QPRT: variants seen among roughly 807,000 people sequenced by gnomAD.
QPRT encodes the protein nicotinate-nucleotide pyrophosphorylase [carboxylating].
A neutral mutation model predicts 19.8 loss-of-function variants in QPRT; 17 were observed. That is an observed-to-expected ratio of 0.86 (90% CI 0.59 to 1.29). QPRT has a LOEUF of 1.29. Among genes scored for constraint, QPRT ranks in the 50% most tolerant of loss-of-function variants. The probability of loss-of-function intolerance (pLI) is 0.00; values close to 1 mark genes in which losing one functional copy is unlikely to be tolerated. For missense variants in QPRT, 336 were observed against 405.1 expected (o/e 0.83, Z 1.46); for synonymous variants, 178 against 191.0 (o/e 0.93, Z 0.56).
chr16:29,687,219 T>A (rs754422847), intron 1 of QPRT, among the ~76,000 whole-genome samples: 5 of 152,212 alleles, frequency 3.3e-5, no homozygotes, highest in African/African-American at 4.8e-5. Context: ...AGTCTACGGC[T>A]GTTTCCTCTC....
intron 1 of QPRT, among the ~76,000 whole-genome samples, chr16:29,681,490 A>ATTTTTTT (rs573949264): frequency 4.3e-5 from 3 of 69,746 alleles, no homozygotes; most frequent in African/African-American, 1.8e-4. Flanking sequence ...TCAGATCCAG[A>ATTTTTTT]TTCTTTTTTT....
chr16:29,680,872 C>G (rs918864709), intron 1 of QPRT, among the ~76,000 whole-genome samples: 1 of 152,178 alleles, frequency 6.6e-6, no homozygotes, highest in South Asian at 2.1e-4. Flanking sequence ...ACCCCAGTGG[C>G]GGAGGTTGCA....
At chr16:29,689,489 G>T (rs972607320) in intron 1 of QPRT, among the ~76,000 whole-genome samples, 10 of 152,056 alleles carry the variant, frequency 6.6e-5, no homozygotes, top group Non-Finnish European at 1.3e-4. Flanking sequence ...AGTCACCCAG[G>T]TATTAAGTTT....
chr16:29,687,336 T>C (rs1297300401), intron 1 of QPRT, among the ~76,000 whole-genome samples: 1 of 152,200 alleles, frequency 6.6e-6, no homozygotes, highest in African/African-American at 2.4e-5. Flanking sequence ...CGGCCAAATA[T>C]TGGCAATTTT....
At chr16:29,681,600 G>A (rs1025769483) in intron 1 of QPRT, among the ~76,000 whole-genome samples, 11 of 147,086 alleles carry the variant, frequency 7.5e-5, no homozygotes, top group Non-Finnish European at 1.2e-4. Context: ...GGGTTCAAGC[G>A]ATTCTCCTGC....
Position 29,694,774 on chromosome 16 carries a change from TCGCAGGCG to T in QPRT, c.125_132del (p.Ser42CysfsTer129). 1 of 1,613,618 alleles carries T rather than the reference TCGCAGGCG, an allele frequency of 6.2e-7. No homozygotes were observed. The highest frequency in any genetic ancestry group is 1.1e-5 in the South Asian group (1 of 90,974). Reference sequence around the variant, plus strand: ...AGCCTTGGTCAGCGGGGCAGGCCCCTCGCAGGCGGCGCTGTGGGCCAAATCCCCTGGGG... The same window carrying T: ...AGCCTTGGTCAGCGGGGCAGGCCCCTGCGCTGTGGGCCAAATCCCCTGGGG... On this transcript the variant is annotated frameshift_variant, in exon 2 of 4. Coordinates refer to ENST00000395384, the MANE Select transcript of QPRT (RefSeq NM_014298.6). LOFTEE classifies it high-confidence loss of function.
At chr16:29,681,214 G>T (rs1293523260) in intron 1 of QPRT, among the ~76,000 whole-genome samples, 4 of 152,078 alleles carry the variant, frequency 2.6e-5, no homozygotes. Flanking sequence ...GGAAACCCTG[G>T]CAAGTTTTGT....
chr16:29,694,343 TCTC>T (rs1967446506), intron 1 of QPRT, among the ~76,000 whole-genome samples: 1 of 150,486 alleles, frequency 6.6e-6, no homozygotes, highest in Non-Finnish European at 1.5e-5. Context: ...ATGGTCTCGA[TCTC>T]CTGACCTCGT....
intron 1 of QPRT, among the ~76,000 whole-genome samples, chr16:29,687,663 A>G (rs898490483): frequency 6.6e-6 from 1 of 152,084 alleles, no homozygotes; most frequent in African/African-American, 2.4e-5. Flanking sequence ...AGGAGAACTC[A>G]GGAGGCAGAG....
intron 1 of QPRT, among the ~76,000 whole-genome samples, chr16:29,684,755 G>C (rs1398545028): frequency 6.6e-6 from 1 of 152,166 alleles, no homozygotes; most frequent in Non-Finnish European, 1.5e-5. Context: ...AACCAAATCC[G>C]TTCTTTCTCT....
At chr16:29,696,910 C>T (rs923145986) in intron 2 of QPRT, 86 bp from the exon 3 acceptor site, 20 of 1,456,662 alleles carry the variant, frequency 1.4e-5, no homozygotes, top group African/African-American at 2.8e-5. Flanking sequence ...TGGGCCCTAT[C>T]GTCACCCTCG....
intron 1 of QPRT, among the ~76,000 whole-genome samples, chr16:29,680,420 G>A (rs535031167): frequency 6.6e-6 from 1 of 152,178 alleles, no homozygotes; most frequent in South Asian, 2.1e-4. Context: ...GGGACACAAT[G>A]GCAATAAGGA....
In QPRT at chr16:29,697,960, G is replaced by A; in HGVS notation, c.*549G>A. Reference sequence around the variant, plus strand: ...GATGGTGCCACTGCACTCCAGCCTGGGTGATAGAGCGAGACTCTGTCTCCA... The same window carrying A: ...GATGGTGCCACTGCACTCCAGCCTGAGTGATAGAGCGAGACTCTGTCTCCA... On this transcript the variant is annotated 3_prime_UTR_variant, in exon 4 of 4. Coordinates refer to ENST00000395384, the MANE Select transcript of QPRT (RefSeq NM_014298.6). This position sits in a 1 kb window ranked among gnomAD's most constrained non-coding sequence, Gnocchi z 4.4. 6.7e-6 allele frequency: 1 copy of A among 148,572 alleles called. No homozygotes were observed. Among genetic ancestry groups the A allele is most frequent in the Admixed American group, 6.7e-5 (1 of 14,966 alleles). The allele number at this position is 148,572 out of a possible 1,614,324, so 9.2% of individuals were successfully genotyped here.
chr16:29,687,022 G>A (rs532997123), intron 1 of QPRT, among the ~76,000 whole-genome samples: 1 of 152,358 alleles, frequency 6.6e-6, no homozygotes, highest in African/African-American at 2.4e-5. Context: ...TTTAGCCTAT[G>A]CTGTTGCAGG....
At chr16:29,679,701 A>G (rs1190800263) in intron 1 of QPRT, among the ~76,000 whole-genome samples, 1 of 152,142 alleles carries the variant, frequency 6.6e-6, no homozygotes, top group Admixed American at 6.6e-5. Flanking sequence ...CCAACCATGA[A>G]GTCCGGTGGC....
At chr16:29,681,118 C>T (rs1292642347) in intron 1 of QPRT, among the ~76,000 whole-genome samples, 2 of 151,882 alleles carry the variant, frequency 1.3e-5, no homozygotes, top group Non-Finnish European at 2.9e-5. Context: ...GATGCCACGC[C>T]AAACACCTTT....
intron 1 of QPRT, among the ~76,000 whole-genome samples, chr16:29,694,351 C>A (rs1388332491): frequency 1.3e-5 from 2 of 151,894 alleles, no homozygotes; most frequent in African/African-American, 4.8e-5. Flanking sequence ...GATCTCCTGA[C>A]CTCGTGATCC....
intron 1 of QPRT, among the ~76,000 whole-genome samples, chr16:29,683,840 G>A (rs1382228863): frequency 6.6e-6 from 1 of 152,102 alleles, no homozygotes; most frequent in Non-Finnish European, 1.5e-5. Flanking sequence ...CCAGGCAGAG[G>A]CCCCACTGTG....
At chr16:29,685,184 T>C (rs144250627) in intron 1 of QPRT, among the ~76,000 whole-genome samples, 1 of 152,252 alleles carries the variant, frequency 6.6e-6, no homozygotes, top group Non-Finnish European at 1.5e-5. Flanking sequence ...AATTAATTAT[T>C]TGTTGGCCGG....
Sources: allele counts gnomAD v4.1 joint callset (sites outside exome capture counted in the v4.1 genomes callset), GRCh38; gene constraint gnomAD v4.1.1; non-coding constraint Gnocchi (gnomAD v3.1); transcripts MANE v1.5; gene names NCBI Gene and HGNC (gene_info 2026-07-23, HGNC 2026-07-21).